Variants in SSR2 observed in about 807,000 individuals in gnomAD.
SSR2 encodes translocon-associated protein subunit beta.
A neutral mutation model predicts 22.6 loss-of-function variants in SSR2; 16 were observed. That is an observed-to-expected ratio of 0.71 (90% CI 0.48 to 1.08). The LOEUF (loss-of-function observed/expected upper bound fraction) is 1.08. SSR2 is among the 50% of genes least tolerant of loss of function. The probability of loss-of-function intolerance (pLI) is 0.00; values close to 1 mark genes in which losing one functional copy is unlikely to be tolerated. For synonymous variants in SSR2, 83 were observed against 91.2 expected (o/e 0.91, Z 0.51); for missense variants, 171 against 221.6 (o/e 0.77, Z 1.45).
chr1:156,009,742 T>C, intron 5 of SSR2, 92 bp from the exon 6 acceptor site: 1 of 789,692 alleles, frequency 1.3e-6, no homozygotes, highest in East Asian at 2.7e-5. Context: ...AAGGGAGCAG[T>C]CTAGCCCAAA....
At chr1:156,012,059 T>C (rs373954346) in intron 4 of SSR2, 172 bp from the exon 5 acceptor site, 12 of 559,180 alleles carry the variant, frequency 2.1e-5, no homozygotes, top group East Asian at 1.5e-4. Context: ...CTAGAGAGAG[T>C]TGGATGATTC....
chr1:156,016,497 A>G (rs984441966), intron 3 of SSR2, among the ~76,000 whole-genome samples: 1 of 152,044 alleles, frequency 6.6e-6, no homozygotes, highest in South Asian at 2.1e-4. Context: ...CGGCCTCCCA[A>G]AGTGCTGGGA....
At chr1:156,019,271 G>A (rs1473983244) in intron 2 of SSR2, 1 of 452,352 alleles carries the variant, frequency 2.2e-6, no homozygotes, top group Non-Finnish European at 4.5e-6. Context: ...ACATGCCTAT[G>A]TGTGTGGAGG....
intron 3 of SSR2, among the ~76,000 whole-genome samples, chr1:156,015,521 A>T (rs1374695610): frequency 8.5e-6 from 1 of 117,932 alleles, no homozygotes; most frequent in Admixed American, 9.4e-5. Flanking sequence ...AAAAAAAAAA[A>T]AAAAAAAAAA....
chr1:156,014,542 T>C (rs1683023411), intron 4 of SSR2: 2 of 157,212 alleles, frequency 1.3e-5, no homozygotes, highest in Admixed American at 6.2e-5. Context: ...TCTTTCTAAC[T>C]ATATATATAT....
At chr1:156,009,874 A>G (rs934381976) in intron 5 of SSR2, among the ~76,000 whole-genome samples, 1 of 152,156 alleles carries the variant, frequency 6.6e-6, no homozygotes, top group Non-Finnish European at 1.5e-5. Flanking sequence ...CCAGGGTTCA[A>G]ATGATTTTCC....
rs374155755 is a variant in SSR2 at position 156,020,064 on chromosome 1, A to G, written c.104T>C (p.Val35Ala). The G allele has an allele frequency of 3.1e-6, 5 of 1,614,130 alleles. No individual in the cohort carries two copies. Among genetic ancestry groups the G allele is most frequent in the Non-Finnish European group, 4.2e-6 (5 of 1,180,020 alleles). ...ASKSLLNRYA[V>A]EGRDLTLQYN... The stretch of plus-strand genomic sequence containing the variant: ...CTGCAAGGTCAGGTCTCGTCCCTCC[A>G]CGGCGTATCTGTTCAGCAGTGATTT... Residue 35 changes from valine to alanine, a missense_variant, in exon 2 of 6, where the codon GTG (valine) becomes GCG (alanine). By Grantham distance (64) the Val-to-Ala change is moderately conservative. Coordinates refer to ENST00000295702, the MANE Select transcript of SSR2 (RefSeq NM_003145.4).
At position 156,009,433 on chromosome 1, in the gene SSR2, G is replaced by T; in HGVS notation, c.*107C>A. ...CCAGGAGAAAGTGGCCAAGGGCTAAGAGAGAAGAGATTGCATTTAAGATAC... is the reference window on the plus strand; with the variant it reads ...CCAGGAGAAAGTGGCCAAGGGCTAATAGAGAAGAGATTGCATTTAAGATAC... On this transcript the variant is annotated 3_prime_UTR_variant, in exon 6 of 6. Transcript: ENST00000295702. 1 of 887,870 alleles carries T rather than the reference G, an allele frequency of 1.1e-6. No individual in the cohort carries two copies. The highest frequency in any genetic ancestry group is 1.8e-6 in the Non-Finnish European group (1 of 541,782). The allele number at this position is 887,870 out of a possible 1,614,324, so 55.0% of individuals were successfully genotyped here.
intron 3 of SSR2, among the ~76,000 whole-genome samples, chr1:156,016,499 G>A (rs1488251062): frequency 2.6e-5 from 4 of 151,846 alleles, no homozygotes; most frequent in African/African-American, 9.7e-5. Flanking sequence ...GCCTCCCAAA[G>A]TGCTGGGATT....
At chr1:156,014,885 C>G (rs1368787140) in intron 4 of SSR2, 76 bp downstream of exon 4, 1 of 1,222,660 alleles carries the variant, frequency 8.2e-7, no homozygotes, top group Non-Finnish European at 1.2e-6. Context: ...CTTCATCCCC[C>G]TCTTACCCCC....
At chr1:156,015,194 TCTGCAGG>T in intron 3 of SSR2, 125 bp from the exon 4 acceptor site, 1 of 716,224 alleles carries the variant, frequency 1.4e-6, no homozygotes, top group Non-Finnish European at 2.4e-6. Context: ...CCGGCAATAT[TCTGCAGG>T]AATGAAAAAA....
chr1:156,019,346 G>T (rs370239380), intron 2 of SSR2: 46 of 339,194 alleles, frequency 1.4e-4, no homozygotes, highest in African/African-American at 9.5e-4. Context: ...TGAAAGAAAG[G>T]CAACAAAAAT....
At chr1:156,017,742 T>TTTG (rs1683079293) in intron 3 of SSR2, among the ~76,000 whole-genome samples, 2 of 104,634 alleles carry the variant, frequency 1.9e-5, no homozygotes, top group Non-Finnish European at 4.0e-5. Context: ...GTTTCAGGTT[T>TTTG]TTTTTTTTTT....
At chr1:156,018,444 C>A (rs770641571) in intron 2 of SSR2, 76 bp from the exon 3 acceptor site, 2 of 1,182,968 alleles carry the variant, frequency 1.7e-6, no homozygotes, top group Non-Finnish European at 2.4e-6. Context: ...CCGTGGCTCA[C>A]GCCTGTAATC....
intron 4 of SSR2, chr1:156,013,645 G>C (rs777138912): frequency 6.5e-6 from 1 of 153,382 alleles, no homozygotes; most frequent in Non-Finnish European, 1.5e-5. Context: ...GAAGTAGCTT[G>C]GCCTAATTAG....
intron 1 of SSR2, 38 bp downstream of exon 1, chr1:156,020,850 G>A: frequency 2.1e-6 from 1 of 467,616 alleles, no homozygotes; most frequent in Non-Finnish European, 4.5e-6. Context: ...CGAGGCTCTC[G>A]CCTCTCCCGT....
At position 156,020,118 on chromosome 1, in the gene SSR2, G is replaced by T; in HGVS notation, c.50C>A (p.Ala17Glu). The T allele has an allele frequency of 6.2e-7, 1 of 1,614,114 alleles. No homozygotes were observed. The highest frequency in any genetic ancestry group is 1.1e-5 in the South Asian group (1 of 91,084). Reference protein sequence around the residue: ...VVLALFAVTQAEEGARLLASK... With the variant: ...VVLALFAVTQEEEGARLLASK... ...AGCCAAAAGCCTGGCTCCTTCCTCT[G>T]CTTGAGTGACAGCAAATAGAGCCAA... is the stretch of plus-strand genomic sequence containing the variant. The change falls in exon 2 of 6, where the codon GCA becomes GAA. Residue 17 changes from alanine (A) to glutamate (E), a missense_variant. Physicochemically the swap from Ala to Glu is moderately radical, Grantham distance 107. Transcript: ENST00000295702.
chr1:156,010,932 G>A (rs942289219), intron 5 of SSR2: 1 of 151,410 alleles, frequency 6.6e-6, no homozygotes, highest in Non-Finnish European at 1.5e-5. Context: ...GGCTCCTCCA[G>A]CACCTGGCAT....
intron 2 of SSR2, chr1:156,019,363 G>C (rs944171797): frequency 8.8e-5 from 26 of 296,906 alleles, no homozygotes; most frequent in Admixed American, 1.6e-4. Context: ...AAATGCTCTA[G>C]GCTAATGAAA....
Sources: allele counts gnomAD v4.1 joint callset (sites outside exome capture counted in the v4.1 genomes callset), GRCh38; gene constraint gnomAD v4.1.1; transcripts MANE v1.5; gene names NCBI Gene and HGNC (gene_info 2026-07-23, HGNC 2026-07-21).